ZNF423: variants seen among roughly 807,000 people sequenced by gnomAD.
ZNF423 encodes the protein zinc finger protein 423, also known as Ebf-associated zinc finger protein.
In ZNF423, 12 loss-of-function variants were observed where a neutral mutation model predicts 95.8. The ratio of observed to expected loss-of-function variants is 0.13; its 90% CI spans 0.08 to 0.20. ZNF423 has a LOEUF of 0.20. Ranked by LOEUF, ZNF423 falls within the 10% of genes least tolerant of loss-of-function variation. The pLI is 1.00. For missense variants in ZNF423, 1,316 were observed against 1,737.1 expected, an observed-to-expected ratio of 0.76 and a Z score of 4.31; for synonymous variants, 749 against 711.9, an observed-to-expected ratio of 1.05 and a Z score of -0.83.
At chr16:49,765,155 C>G (rs78435986) in intron 2 of ZNF423, among the ~76,000 whole-genome samples, 15 of 152,018 alleles carry the variant, frequency 9.9e-5, no homozygotes, top group South Asian at 4.2e-4. Context: ...AGAGAAGTAA[C>G]CCCATGAGCC....
At chr16:49,811,397 G>T (rs1262482676) in intron 1 of ZNF423, among the ~76,000 whole-genome samples, 1 of 152,062 alleles carries the variant, frequency 6.6e-6, no homozygotes, top group Non-Finnish European at 1.5e-5. Context: ...TAAACACTGG[G>T]GGTGGAGGAG....
intron 1 of ZNF423, among the ~76,000 whole-genome samples, chr16:49,795,666 C>T (rs534023018): frequency 6.6e-4 from 101 of 152,282 alleles, no homozygotes; most frequent in African/African-American, 2.1e-3. Context: ...TTGGAGGCCC[C>T]GCCCCCACAG....
chr16:49,809,505 T>C (rs967969379), intron 1 of ZNF423, among the ~76,000 whole-genome samples: 14 of 152,060 alleles, frequency 9.2e-5, no homozygotes, highest in African/African-American at 3.1e-4. Flanking sequence ...CTGTGTGTAG[T>C]GGAACTCACA....
At chr16:49,584,667 C>G (rs902936534) in intron 5 of ZNF423, among the ~76,000 whole-genome samples, 42 of 152,264 alleles carry the variant, frequency 2.8e-4, no homozygotes, top group African/African-American at 9.9e-4. Context: ...TGGCCACCCC[C>G]TCGCTGTGTC....
In ZNF423 at chr16:49,488,168, A is replaced by T. The variant is rs1966872882; in HGVS notation, c.*3107T>A. The T allele has an allele frequency of 6.6e-6, 1 of 152,246 alleles. No individual in the cohort carries two copies. The highest frequency in any genetic ancestry group is 6.5e-5 in the Admixed American group (1 of 15,290). 9.4% of individuals were successfully genotyped at this position (152,246 alleles called of 1,614,324 possible). A position where few individuals can be genotyped will look rare whatever the true frequency, so the allele number is the denominator to read the frequency against. On this transcript the variant is annotated 3_prime_UTR_variant, in exon 8 of 8. Transcript: ENST00000563137. ...CTGAATATTTATAGGTACAGGTTCC[A>T]TCCCTAGGAACACACACCTTAGGAG...
At chr16:49,665,747 C>G (rs1466277206) in intron 3 of ZNF423, among the ~76,000 whole-genome samples, 2 of 152,164 alleles carry the variant, frequency 1.3e-5, no homozygotes, top group Non-Finnish European at 2.9e-5. Context: ...AAGCCATCAT[C>G]CAGCCGTCTC....
chr16:49,731,403 A>G, intron 2 of ZNF423: 4 of 985,076 alleles, frequency 4.1e-6, no homozygotes, highest in Non-Finnish European at 4.8e-6. Context: ...TTCGCCTTCC[A>G]CACAACAGGC....
chr16:49,665,505 T>C (rs1025460520), intron 3 of ZNF423, among the ~76,000 whole-genome samples: 1 of 151,992 alleles, frequency 6.6e-6, no homozygotes, highest in Non-Finnish European at 1.5e-5. Context: ...ACCAGCAGGA[T>C]GAAGAATTCA....
chr16:49,741,956 C>A (rs1428454468), intron 2 of ZNF423, among the ~76,000 whole-genome samples: 1 of 152,218 alleles, frequency 6.6e-6, no homozygotes, highest in African/African-American at 2.4e-5. Context: ...CTCTGCCCAC[C>A]AGGCGCTGGT....
In ZNF423 at chr16:49,636,593, A is replaced by G; in HGVS notation, c.2583T>C (p.Ala861=). 6.2e-7 allele frequency: 1 copy of G among 1,612,448 alleles called. No individual in the cohort carries two copies. Among genetic ancestry groups the G allele is most frequent in the Non-Finnish European group, 8.5e-7 (1 of 1,179,624 alleles). ...NGVPPMATKK[A]EPADLQGMLL... is the part of the protein sequence containing the mutation. ...GCATGCCCTGCAGGTCAGCAGGCTCAGCTTTCTTGGTGGCCATTGGGGGTA... is the reference window on the plus strand; with the variant it reads ...GCATGCCCTGCAGGTCAGCAGGCTCGGCTTTCTTGGTGGCCATTGGGGGTA... Residue 861 remains alanine (A), a synonymous_variant, in exon 4 of 8, where the codon GCT becomes GCC. Coordinates refer to ENST00000563137, the MANE Select transcript of ZNF423 (RefSeq NM_001379286.1). The surrounding 1 kb of genome is among the most constrained non-coding windows in gnomAD (Gnocchi z 8.6).
intron 3 of ZNF423, among the ~76,000 whole-genome samples, chr16:49,726,156 A>C (rs1463047180): frequency 6.6e-6 from 1 of 152,136 alleles, no homozygotes; most frequent in Non-Finnish European, 1.5e-5. Flanking sequence ...CACTGTGGAC[A>C]CTCTGAGGAA....
intron 7 of ZNF423, among the ~76,000 whole-genome samples, chr16:49,503,237 C>T (rs1026533080): frequency 2.0e-5 from 3 of 152,208 alleles, no homozygotes; most frequent in East Asian, 1.9e-4. Flanking sequence ...GACGCAAGGG[C>T]CCCTTGAAGG....
chr16:49,769,108 C>A (rs951191611), intron 2 of ZNF423, among the ~76,000 whole-genome samples: 2 of 152,208 alleles, frequency 1.3e-5, no homozygotes, highest in Non-Finnish European at 2.9e-5. Flanking sequence ...GTAATCCCAG[C>A]ACTTTGGGAG....
chr16:49,806,122 A>G (rs1323430770), intron 1 of ZNF423, among the ~76,000 whole-genome samples: 1 of 152,264 alleles, frequency 6.6e-6, no homozygotes, highest in Non-Finnish European at 1.5e-5. Flanking sequence ...ACGTGGATTT[A>G]CAATGGGGTC....
At chr16:49,599,240 G>A (rs1971279255) in intron 5 of ZNF423, among the ~76,000 whole-genome samples, 1 of 152,182 alleles carries the variant, frequency 6.6e-6, no homozygotes, top group South Asian at 2.1e-4. Flanking sequence ...AAATTTCCAT[G>A]TTCCAAAGAA....
Position 49,638,415 on chromosome 16 carries a change from T to G in ZNF423, c.761A>C (p.Lys254Thr), listed in dbSNP as rs1972841965. Residue 254 changes from lysine to threonine, a missense_variant, in exon 4 of 8, where the codon AAG becomes ACG. Physicochemically the swap from Lys to Thr is moderately conservative, Grantham distance 78. This residue lies in a region of ZNF423 where 399 missense variants were observed against 478.5 expected (regional missense o/e 0.83). Transcript: ENST00000563137. The surrounding 1 kb of genome is among the most constrained non-coding windows in gnomAD (Gnocchi z 5.6). ...SLQSHMQAHK[K>T]NKEHLAKSEK... is the part of the protein sequence containing the mutation. ...CGACTTGGCCAGATGCTCCTTGTTC[T>G]TTTTGTGGGCCTGCATGTGGCTCTG... The G allele has an allele frequency of 6.2e-7, 1 of 1,613,996 alleles. No individual in the cohort carries two copies. Among genetic ancestry groups the G allele is most frequent in the East Asian group, 2.2e-5 (1 of 44,876 alleles).
intron 5 of ZNF423, among the ~76,000 whole-genome samples, chr16:49,553,636 C>T (rs951215896): frequency 6.6e-6 from 1 of 151,962 alleles, no homozygotes; most frequent in Admixed American, 6.6e-5. Flanking sequence ...CATGTGTCGC[C>T]GAGCCTGGCC....
intron 1 of ZNF423, among the ~76,000 whole-genome samples, chr16:49,809,593 T>C (rs1345202235): frequency 6.6e-6 from 1 of 152,002 alleles, no homozygotes; most frequent in Admixed American, 6.5e-5. Flanking sequence ...GAGAGAAAGG[T>C]CCCAGAGGCT....
rs907699082 is a variant in ZNF423, at chr16:49,637,602, A to G, written c.1574T>C (p.Phe525Ser). 9 of 1,614,034 alleles carry G rather than the reference A, an allele frequency of 5.6e-6. No individual in the cohort carries two copies. Among genetic ancestry groups the G allele is most frequent in the Non-Finnish European group, 7.6e-6 (9 of 1,180,032 alleles). The change falls in exon 4 of 8, where the codon TTC becomes TCC. Residue 525 changes from phenylalanine (F) to serine (S), a missense_variant. Around this residue, in one of 6 missense-constraint regions of ZNF423, gnomAD observed 399 missense variants for 478.5 expected, o/e 0.83. Transcript: ENST00000563137. This position sits in a 1 kb window ranked among gnomAD's most constrained non-coding sequence, Gnocchi z 5.6. ...ACCCATGGAGCACTGGTTGCAGAAG[A>G]AAGCATTATTACCGTCAGAGGGGTT... ...NANPSDGNNA[F>S]FCNQCSMGFL...
Sources: gnomAD v4.1 joint callset for allele counts (sites outside exome capture counted in the v4.1 genomes callset) on GRCh38, gnomAD v4.1.1 for gene constraint, gnomAD v4.1.1 regional missense constraint, Gnocchi (gnomAD v3.1) non-coding constraint, MANE v1.5 for transcripts, NCBI Gene and HGNC (gene_info 2026-07-23, HGNC 2026-07-21) for gene names.